The following CRTC3 variants were observed in gnomAD, a reference collection of about 807,000 sequenced individuals.
CRTC3 encodes the protein CREB-regulated transcription coactivator 3.
In CRTC3, 26 loss-of-function variants were observed where a neutral mutation model predicts 74.5. The ratio of observed to expected loss-of-function variants is 0.35; its 90% confidence interval spans 0.26 to 0.48. The LOEUF is 0.48. CRTC3 is among the 20% of genes least tolerant of loss of function. The pLI, the probability that CRTC3 is intolerant of heterozygous loss-of-function variation, is 0.99. For synonymous variants in CRTC3, 377 were observed against 325.8 expected (o/e 1.16, Z -1.69); for missense variants, 760 against 787.3 (o/e 0.97, Z 0.41).
At chr15:90,562,526 C>CA (rs1473518980) in intron 2 of CRTC3, among the ~76,000 whole-genome samples, 1 of 152,156 alleles carries the variant, frequency 6.6e-6, no homozygotes, top group East Asian at 1.9e-4. Flanking sequence ...TTGTTTTTCT[C>CA]AGTCTGGATA....
In CRTC3 at chr15:90,642,920, G is replaced by A. The variant is rs141269819; in HGVS notation, c.*780G>A. The A allele has an allele frequency of 4.3e-6, 1 of 233,258 alleles. No individual in the cohort carries two copies. Among genetic ancestry groups the A allele is most frequent in the African/African-American group, 2.2e-5 (1 of 45,278 alleles). 14.4% of individuals were successfully genotyped at this position (233,258 alleles called of 1,614,324 possible). ...CTGGGGAAGGAAGACAGGGACTGCA[G>A]GTGTCTCATACTCAGTGGCCTCCAG... On this transcript the variant is annotated 3_prime_UTR_variant, in exon 15 of 15. Transcript: ENST00000268184.
intron 2 of CRTC3, among the ~76,000 whole-genome samples, chr15:90,548,147 C>T (rs1309122245): frequency 7.4e-6 from 1 of 135,140 alleles, no homozygotes; most frequent in African/African-American, 2.5e-5. Context: ...CCGTGGCCTC[C>T]CAAAGTGGTA....
At chr15:90,563,479 C>T (rs1967057196) in intron 2 of CRTC3, among the ~76,000 whole-genome samples, 1 of 151,828 alleles carries the variant, frequency 6.6e-6, no homozygotes, top group Non-Finnish European at 1.5e-5. Flanking sequence ...AAATATAACT[C>T]AAGTGAAGCA....
intron 3 of CRTC3, chr15:90,594,284 C>A (rs1967868009): frequency 6.6e-6 from 1 of 152,260 alleles, no homozygotes; most frequent in African/African-American, 2.4e-5. Flanking sequence ...TGTACAGTCA[C>A]ACCAAACTCT....
At chr15:90,574,683 G>A (rs997648008) in intron 2 of CRTC3, among the ~76,000 whole-genome samples, 48 of 152,116 alleles carry the variant, frequency 3.2e-4, no homozygotes, top group African/African-American at 1.1e-3. Context: ...GAAAGTGCCT[G>A]TTTGCCCACA....
chr15:90,638,935 G>A (rs1019121924), intron 13 of CRTC3, 120 bp downstream of exon 13: 1 of 855,174 alleles, frequency 1.2e-6, no homozygotes, highest in Non-Finnish European at 1.9e-6. Context: ...TTCTGGTTGT[G>A]TTCTGTGGCT....
intron 2 of CRTC3, 151 bp from the exon 3 acceptor site, chr15:90,593,485 C>G: frequency 1.4e-6 from 1 of 700,614 alleles, no homozygotes; most frequent in East Asian, 2.6e-5. Context: ...GTTCCATATA[C>G]TACTTTATTT....
intron 11 of CRTC3, among the ~76,000 whole-genome samples, chr15:90,636,555 A>G (rs548881908): frequency 6.6e-6 from 1 of 152,168 alleles, no homozygotes; most frequent in Non-Finnish European, 1.5e-5. Context: ...AAATTAACAA[A>G]TGGGATCTAA....
At chr15:90,599,307 A>C (rs1968010027) in intron 3 of CRTC3, 1 of 152,218 alleles carries the variant, frequency 6.6e-6, no homozygotes, top group African/African-American at 2.4e-5. Flanking sequence ...GGTTGTTAAA[A>C]GCCCTGTGAC....
chr15:90,638,456 C>T lies in CRTC3; in HGVS notation c.1277C>T (p.Ser426Leu). ...APYPTSQMVS[S>L]DRSQLSFLPT... ...GTGTTTGTTTTGCAGATGGTGTCCT[C>T]AGACCGAAGCCAACTTTCCTTTCTG... is the stretch of plus-strand genomic sequence containing the variant. Residue 426 changes from serine (S) to leucine (L), a missense_variant, in exon 12 of 15, where the codon TCA becomes TTA. Coordinates refer to ENST00000268184, the MANE Select transcript of CRTC3 (RefSeq NM_022769.5). The T allele has an allele frequency of 1.9e-6, 3 of 1,614,098 alleles. No individual in the cohort carries two copies. Among genetic ancestry groups the T allele is most frequent in the Non-Finnish European group, 2.5e-6 (3 of 1,180,010 alleles).
intron 1 of CRTC3, among the ~76,000 whole-genome samples, chr15:90,535,562 C>T (rs1596066010): frequency 6.6e-6 from 1 of 152,098 alleles, no homozygotes; most frequent in Non-Finnish European, 1.5e-5. Context: ...TGAAGAGCAA[C>T]TTGTGTTGAG....
At position 90,614,435 on chromosome 15, in the gene CRTC3, T is replaced by C. The variant is rs1968437598; in HGVS notation, c.578-18T>C. The C allele has an allele frequency of 4.4e-6, 7 of 1,596,674 alleles. No homozygotes were observed. Among genetic ancestry groups the C allele is most frequent in the Non-Finnish European group, 4.3e-6 (5 of 1,165,352 alleles). Reference sequence around the variant, plus strand: ...CACATAAAAGTGTTTTCTTTTTTTCTTTTTCCTTTCCCGCTAGGTTTCTGT... The same window carrying C: ...CACATAAAAGTGTTTTCTTTTTTTCCTTTTCCTTTCCCGCTAGGTTTCTGT... On this transcript the variant is annotated intron_variant, in intron 6 of 14. Coordinates refer to ENST00000268184, the MANE Select transcript of CRTC3 (RefSeq NM_022769.5).
intron 2 of CRTC3, among the ~76,000 whole-genome samples, chr15:90,561,583 C>G (rs1014478729): frequency 6.6e-6 from 1 of 152,154 alleles, no homozygotes; most frequent in Non-Finnish European, 1.5e-5. Context: ...TCTATATTCC[C>G]TCGCATTTTG....
intron 2 of CRTC3, among the ~76,000 whole-genome samples, chr15:90,546,935 G>A (rs1966845329): frequency 6.6e-6 from 1 of 152,198 alleles, no homozygotes; most frequent in Non-Finnish European, 1.5e-5. Context: ...CACCTGCTAG[G>A]ATTTTAAACA....
At chr15:90,636,087 C>T (rs1490778660) in intron 11 of CRTC3, among the ~76,000 whole-genome samples, 1 of 152,152 alleles carries the variant, frequency 6.6e-6, no homozygotes, top group Non-Finnish European at 1.5e-5. Flanking sequence ...GAAAAAGAGC[C>T]CACATTGCCA....
At chr15:90,572,272 G>T (rs1319856557) in intron 2 of CRTC3, among the ~76,000 whole-genome samples, 1 of 151,592 alleles carries the variant, frequency 6.6e-6, no homozygotes, top group African/African-American at 2.4e-5. Context: ...CATTTATGTA[G>T]CTATCCCATC....
rs142925864 is a variant in CRTC3, at chr15:90,565,753, G to A, written c.231+25616G>A. On this transcript the variant is annotated intron_variant, in intron 2 of 14. Coordinates refer to ENST00000268184, the MANE Select transcript of CRTC3 (RefSeq NM_022769.5). ...ACTGTTGTAATTGTTTTGGGGTCCC[G>A]TGAACATCACCCACATAAGTTGGTG... Among the ~76,000 whole-genome samples the A allele has an allele frequency of 9.8e-4, 149 of 152,228 alleles. 1 individual carries two copies. In the East Asian group the frequency reaches 0.022, roughly 22 times the overall value.
intron 2 of CRTC3, among the ~76,000 whole-genome samples, chr15:90,590,071 G>C (rs1967764276): frequency 6.7e-6 from 1 of 149,562 alleles, no homozygotes; most frequent in Admixed American, 6.6e-5. Context: ...CGGGCGGATT[G>C]CCTGAGGTCA....
intron 2 of CRTC3, among the ~76,000 whole-genome samples, chr15:90,550,626 C>A (rs1351308190): frequency 6.6e-6 from 1 of 152,046 alleles, no homozygotes; most frequent in Non-Finnish European, 1.5e-5. Flanking sequence ...TTTGAAATCT[C>A]ATTTGTCCTC....
Sources: allele counts gnomAD v4.1 joint callset (sites outside exome capture counted in the v4.1 genomes callset), GRCh38; gene constraint gnomAD v4.1.1; transcripts MANE v1.5; gene names NCBI Gene and HGNC (gene_info 2026-07-23, HGNC 2026-07-21).